ANKIB1: variants seen among roughly 807,000 people sequenced by gnomAD.
The protein encoded by ANKIB1 is ankyrin repeat and IBR domain containing 1.
ANKIB1 carries 43 observed loss-of-function variants against 122.1 expected under a neutral mutation model. That is an observed-to-expected ratio of 0.35 (90% CI 0.28 to 0.45). The LOEUF (loss-of-function observed/expected upper bound fraction) is 0.45, where lower values mean the gene tolerates loss of function less well. Ranked by LOEUF, ANKIB1 falls within the 20% of genes least tolerant of loss-of-function variation. The pLI is 1.00. For synonymous variants in ANKIB1, 390 were observed against 442.0 expected (o/e 0.88, Z 1.48); for missense variants, 992 against 1,329.5 (o/e 0.75, Z 3.95).
At position 92,347,305 on chromosome 7, in the gene ANKIB1, A is replaced by G. The variant is rs550637221; in HGVS notation, c.1085+2239A>G. On this transcript the variant is annotated intron_variant, in intron 7 of 19. Transcript: ENST00000265742. ...TTTTTGTTTTGTTTTTTGTTTTGCT[A>G]TTTTTGTTTTAAGCTCATCAGCTGT... 1.3e-4 allele frequency among the ~76,000 whole-genome samples: 20 copies of G among 151,944 alleles called. No homozygotes were observed. The East Asian group carries it at 2.3e-3, about 18-fold the overall frequency.
At chr7:92,382,901 G>A (rs1481301010) in intron 11 of ANKIB1, among the ~76,000 whole-genome samples, 1 of 152,178 alleles carries the variant, frequency 6.6e-6, no homozygotes, top group Non-Finnish European at 1.5e-5. Flanking sequence ...GAGCAGAACT[G>A]AAGGAGATGG....
intron 1 of ANKIB1, among the ~76,000 whole-genome samples, chr7:92,263,883 T>G (rs754894947): frequency 5.9e-5 from 9 of 152,184 alleles, no homozygotes; most frequent in Non-Finnish European, 1.0e-4. Flanking sequence ...TCTCTGTTAA[T>G]TATGTGTCTT....
chr7:92,265,423 A>G (rs985527496), intron 1 of ANKIB1, among the ~76,000 whole-genome samples: 1 of 152,226 alleles, frequency 6.6e-6, no homozygotes, highest in East Asian at 1.9e-4. Context: ...AGAGGAAAAA[A>G]GTTGATATAT....
rs1226430060 is a variant in ANKIB1 at position 92,333,120 on chromosome 7, C to T, written c.787+5220C>T. Among the ~76,000 whole-genome samples, 9 of 152,184 alleles carry T rather than the reference C, an allele frequency of 5.9e-5. No individual in the cohort carries two copies. The East Asian group carries it at 1.7e-3, about 29-fold the overall frequency. On this transcript the variant is annotated intron_variant, in intron 5 of 19. Transcript: ENST00000265742. Reference sequence around the variant, plus strand: ...CTCCCTTTTTCTTCATTTCCACTAGCTGCTATCACCTCTCAACTACACTAC... The same window carrying T: ...CTCCCTTTTTCTTCATTTCCACTAGTTGCTATCACCTCTCAACTACACTAC...
chr7:92,344,195 T>TG (rs1293288537), intron 6 of ANKIB1, among the ~76,000 whole-genome samples: 7 of 47,884 alleles, frequency 1.5e-4, no homozygotes, highest in Non-Finnish European at 3.6e-4. Context: ...TGTTTTTGGT[T>TG]TTTTTTTTTT....
intron 1 of ANKIB1, among the ~76,000 whole-genome samples, chr7:92,249,137 C>G (rs1801266793): frequency 6.6e-6 from 1 of 152,208 alleles, no homozygotes; most frequent in Admixed American, 6.5e-5. Context: ...ATCCGCCTGC[C>G]TTGGCCTCCC....
In ANKIB1 at chr7:92,399,931, GA is replaced by G. The variant is rs1360532504; in HGVS notation, c.*989del. ...ACTTTTAATCGTGTTTTATAAAATA[GA>G]AAAAAAGTGGAGTTTTCATGAGTTA... On this transcript the variant is annotated 3_prime_UTR_variant, in exon 20 of 20. Coordinates refer to ENST00000265742, the MANE Select transcript of ANKIB1 (RefSeq NM_019004.2). 2 of 151,976 alleles carry G rather than the reference GA, an allele frequency of 1.3e-5. No homozygotes were observed. The highest frequency in any genetic ancestry group is 2.4e-5 in the African/African-American group (1 of 41,376). 9.4% of individuals were successfully genotyped at this position (151,976 alleles called of 1,614,324 possible).
At chr7:92,307,255 G>C (rs937451657) in intron 2 of ANKIB1, 104 bp from the exon 3 acceptor site, 12 of 1,181,670 alleles carry the variant, frequency 1.0e-5, no homozygotes, top group African/African-American at 7.8e-5. Flanking sequence ...TGGATTATCA[G>C]CTTAGAAGTA....
intron 12 of ANKIB1, among the ~76,000 whole-genome samples, chr7:92,387,243 G>T (rs1394439544): frequency 6.6e-6 from 1 of 151,988 alleles, no homozygotes; most frequent in Non-Finnish European, 1.5e-5. Context: ...CTTCTCACAG[G>T]TCCTGTCTTC....
Position 92,386,513 on chromosome 7 carries a change from A to T in ANKIB1, c.1622A>T (p.Lys541Met), listed in dbSNP as rs1804653866. 6.3e-7 allele frequency: 1 copy of T among 1,591,950 alleles called. No homozygotes were observed. Among genetic ancestry groups the T allele is most frequent in the Non-Finnish European group, 8.5e-7 (1 of 1,171,326 alleles). ...GCNHMQCAKC[K>M]YDFCWICLEE... is the part of the protein sequence containing the mutation. ...CATCTGTGTTTTCTTTTGAAGTGCA[A>T]GTATGACTTTTGCTGGATTTGCCTT... The change falls in exon 12 of 20, where the codon AAG (lysine) becomes ATG (methionine). Residue 541 changes from lysine to methionine, a missense_variant. Transcript: ENST00000265742.
chr7:92,387,803 G>T lies in ANKIB1; in HGVS notation c.1758G>T (p.Glu586Asp). The change falls in exon 13 of 20, where the codon GAG (glutamate) becomes GAT (aspartate). Residue 586 changes from glutamate to aspartate, a missense_variant. By Grantham distance (45) the Glu-to-Asp change is conservative. Coordinates refer to ENST00000265742, the MANE Select transcript of ANKIB1 (RefSeq NM_019004.2). ...EQSKEMTVEA[E>D]KKHKRFQELD... ...TGTGGACTTTTGTTTTCTAGGCTGA[G>T]AAAAAACACAAACGATTTCAGGAAC... 2 of 1,608,212 alleles carry T rather than the reference G, an allele frequency of 1.2e-6. No individual in the cohort carries two copies. Among genetic ancestry groups the T allele is most frequent in the Non-Finnish European group, 1.7e-6 (2 of 1,178,364 alleles).
intron 5 of ANKIB1, among the ~76,000 whole-genome samples, chr7:92,340,261 C>T (rs1208558313): frequency 6.6e-6 from 1 of 152,152 alleles, no homozygotes; most frequent in Non-Finnish European, 1.5e-5. Flanking sequence ...TCCTGAGGGT[C>T]ACAGAGATCA....
At chr7:92,373,460 CAG>C (rs1562796006) in intron 11 of ANKIB1, among the ~76,000 whole-genome samples, 1 of 152,124 alleles carries the variant, frequency 6.6e-6, no homozygotes, top group Non-Finnish European at 1.5e-5. Context: ...CCAACTTAAA[CAG>C]ACTTTGCTTA....
chr7:92,340,093 C>T lies in ANKIB1; in HGVS notation c.788-2931C>T, dbSNP rs117279682. 3.0e-4 allele frequency among the ~76,000 whole-genome samples: 45 copies of T among 152,174 alleles called. No homozygotes were observed. The East Asian group carries it at 8.5e-3, about 29-fold the overall frequency. ...TGGGACCATTCTCTTTATTTGGCCACTGAATTTTTTTTTAAATGATGGCTT... is the reference window on the plus strand; with the variant it reads ...TGGGACCATTCTCTTTATTTGGCCATTGAATTTTTTTTTAAATGATGGCTT... On this transcript the variant is annotated intron_variant, in intron 5 of 19. Transcript: ENST00000265742.
chr7:92,277,682 C>T (rs541047437), intron 1 of ANKIB1, among the ~76,000 whole-genome samples: 1 of 152,270 alleles, frequency 6.6e-6, no homozygotes, highest in South Asian at 2.1e-4. Context: ...CGTGGAGGCT[C>T]ATACCTGTAA....
At chr7:92,260,369 T>C (rs1336868106) in intron 1 of ANKIB1, among the ~76,000 whole-genome samples, 1 of 152,176 alleles carries the variant, frequency 6.6e-6, no homozygotes, top group East Asian at 1.9e-4. Flanking sequence ...TACATCACCT[T>C]CTTTAGCTCG....
chr7:92,254,722 A>G (rs1022172924), intron 1 of ANKIB1, among the ~76,000 whole-genome samples: 7 of 152,112 alleles, frequency 4.6e-5, no homozygotes, highest in African/African-American at 1.2e-4. Context: ...TATCCTTATT[A>G]TGGATATAAA....
chr7:92,338,936 ATATATATATATATATAT>A (rs1803366272), intron 5 of ANKIB1, among the ~76,000 whole-genome samples: 10 of 22,448 alleles, frequency 4.5e-4, no homozygotes, highest in East Asian at 1.0e-3. Context: ...AAAAAAAAAT[ATATATATATATATATAT>A]ATATATATAT....
intron 8 of ANKIB1, among the ~76,000 whole-genome samples, chr7:92,351,866 G>A (rs575958882): frequency 2.6e-5 from 4 of 151,658 alleles, no homozygotes; most frequent in East Asian, 1.9e-4. Context: ...GATTACGGGC[G>A]CCCACTACCA....
Sources: allele counts gnomAD v4.1 joint callset (sites outside exome capture counted in the v4.1 genomes callset), GRCh38; gene constraint gnomAD v4.1.1; transcripts MANE v1.5; gene names NCBI Gene and HGNC (gene_info 2026-07-23, HGNC 2026-07-21).